The following TMTC2 variants were observed in gnomAD, a reference collection of about 807,000 sequenced individuals.
TMTC2 encodes the protein protein O-mannosyl-transferase TMTC2.
Under a neutral mutation model 82.4 loss-of-function variants are expected in TMTC2, and 43 were observed. The observed-to-expected ratio is 0.52, with a 90% confidence interval of 0.41 to 0.67. The LOEUF is 0.67. TMTC2 is among the 30% of genes least tolerant of loss of function. The pLI, the probability that TMTC2 is intolerant of heterozygous loss-of-function variation, is 0.00. For missense variants in TMTC2, 919 were observed against 1,012.4 expected, an observed-to-expected ratio of 0.91 and a Z score of 1.25; for synonymous variants, 408 against 381.9, an observed-to-expected ratio of 1.07 and a Z score of -0.80.
intron 1 of TMTC2, among the ~76,000 whole-genome samples, chr12:82,848,546 T>G (rs7304237): frequency 0.23 from 35,022 of 151,958 alleles, 8,620 homozygotes; most frequent in African/African-American, 0.62. Context: ...CATTCCATTT[T>G]CAGTGTTCTT....
chr12:82,823,962 C>T (rs1011030741), intron 1 of TMTC2, among the ~76,000 whole-genome samples: 44 of 143,592 alleles, frequency 3.1e-4, no homozygotes, highest in African/African-American at 1.1e-3. Flanking sequence ...GGTGCAATTT[C>T]GACTCTTTGC....
chr12:82,816,968 G>GTTT (rs752958581), intron 1 of TMTC2, among the ~76,000 whole-genome samples: 3 of 135,262 alleles, frequency 2.2e-5, no homozygotes, highest in Admixed American at 7.4e-5. Context: ...TTCTTTCTTT[G>GTTT]TTTTTTTTTT....
chr12:83,028,797 G>A (rs148420342), intron 8 of TMTC2, among the ~76,000 whole-genome samples: 3 of 152,046 alleles, frequency 2.0e-5, no homozygotes, highest in Admixed American at 6.6e-5. Context: ...AAACCTAATC[G>A]GTAAGATACT....
chr12:82,929,627 C>A (rs920123283), intron 3 of TMTC2, among the ~76,000 whole-genome samples: 1 of 152,112 alleles, frequency 6.6e-6, no homozygotes, highest in African/African-American at 2.4e-5. Context: ...TCATCCTCAT[C>A]ATTTGCTGGG....
At chr12:82,713,315 CA>C (rs201021071) in intron 1 of TMTC2, among the ~76,000 whole-genome samples, 15,376 of 121,860 alleles carry the variant, frequency 0.13, 894 homozygotes, top group East Asian at 0.27. Flanking sequence ...AACTCTGTTT[CA>C]AAAAAAAAAG....
rs1466837287 is a variant in TMTC2, at chr12:82,739,253, A to G, written c.83+51584A>G. Among the ~76,000 whole-genome samples the G allele has an allele frequency of 2.6e-5, 4 of 152,202 alleles. No individual in the cohort carries two copies. In the East Asian group the frequency reaches 7.7e-4, roughly 29 times the overall value. Reference sequence around the variant, plus strand: ...AATATCATACTGCCAAACATTTTAAACAGTGCCAGAAAATGTGTTGGAAAC... The same window carrying G: ...AATATCATACTGCCAAACATTTTAAGCAGTGCCAGAAAATGTGTTGGAAAC... On this transcript the variant is annotated intron_variant, in intron 1 of 11. Coordinates refer to ENST00000321196, the MANE Select transcript of TMTC2 (RefSeq NM_152588.3).
chr12:82,918,385 T>C (rs1160645572), intron 3 of TMTC2, among the ~76,000 whole-genome samples: 4 of 152,238 alleles, frequency 2.6e-5, no homozygotes, highest in Admixed American at 2.6e-4. Context: ...TAACTCAGCG[T>C]TGGTGGAAGC....
intron 7 of TMTC2, among the ~76,000 whole-genome samples, chr12:82,974,543 T>C (rs1362720261): frequency 6.6e-6 from 1 of 152,190 alleles, no homozygotes; most frequent in Non-Finnish European, 1.5e-5. Context: ...TTCTTACACA[T>C]ATTTAGAATA....
intron 2 of TMTC2, among the ~76,000 whole-genome samples, chr12:82,875,967 T>C (rs1219808319): frequency 2.0e-5 from 3 of 150,584 alleles, no homozygotes; most frequent in African/African-American, 7.3e-5. Context: ...GTATCTTTTT[T>C]CTTGACCAGA....
chr12:82,850,403 C>T (rs1001993037), intron 1 of TMTC2, among the ~76,000 whole-genome samples: 2 of 152,022 alleles, frequency 1.3e-5, no homozygotes, highest in African/African-American at 2.4e-5. Context: ...GTCAAATGGA[C>T]AGTTGGAAGT....
At chr12:82,828,282 C>T (rs983649234) in intron 1 of TMTC2, among the ~76,000 whole-genome samples, 6 of 147,004 alleles carry the variant, frequency 4.1e-5, no homozygotes, top group African/African-American at 1.3e-4. Flanking sequence ...GGCGTGATCT[C>T]GGCTCACTGC....
At chr12:82,947,563 C>T (rs1354206042) in intron 4 of TMTC2, among the ~76,000 whole-genome samples, 3 of 151,384 alleles carry the variant, frequency 2.0e-5, no homozygotes, top group Admixed American at 2.0e-4. Context: ...ATCTCCTGAC[C>T]TGGTGATCCG....
At chr12:82,986,928 A>G (rs527456827) in intron 8 of TMTC2, among the ~76,000 whole-genome samples, 16 of 152,208 alleles carry the variant, frequency 1.1e-4, no homozygotes, top group Admixed American at 2.0e-4. Flanking sequence ...AGTCTGAATC[A>G]AATATCTGTA....
intron 1 of TMTC2, among the ~76,000 whole-genome samples, chr12:82,846,708 G>A (rs1349576749): frequency 7.2e-5 from 11 of 152,050 alleles, no homozygotes; most frequent in Non-Finnish European, 1.5e-4. Context: ...GCAGTTATTC[G>A]GGGTCGCTGA....
At chr12:82,964,934 C>T in intron 4 of TMTC2, 90 bp from the exon 5 acceptor site, 9 of 753,362 alleles carry the variant, frequency 1.2e-5, no homozygotes, top group South Asian at 6.8e-5. Flanking sequence ...TGCTGTTAAC[C>T]ATTTTTATTT....
chr12:82,920,953 A>G (rs1434466637), intron 3 of TMTC2, among the ~76,000 whole-genome samples: 1 of 152,176 alleles, frequency 6.6e-6, no homozygotes, highest in Non-Finnish European at 1.5e-5. Context: ...TAACAGGAAA[A>G]TATGACATAT....
At chr12:82,802,243 G>A (rs1879044626) in intron 1 of TMTC2, among the ~76,000 whole-genome samples, 1 of 152,180 alleles carries the variant, frequency 6.6e-6, no homozygotes. Flanking sequence ...ACTGCTGGGG[G>A]CGGCAGGGCC....
chr12:82,999,158 C>T (rs1007246093), intron 8 of TMTC2, among the ~76,000 whole-genome samples: 5 of 152,106 alleles, frequency 3.3e-5, no homozygotes, highest in East Asian at 3.9e-4. Flanking sequence ...AGTCATGTCT[C>T]CTTAGGCTCC....
chr12:83,009,123 G>T (rs1249943870), intron 8 of TMTC2, among the ~76,000 whole-genome samples: 1 of 152,164 alleles, frequency 6.6e-6, no homozygotes, highest in Non-Finnish European at 1.5e-5. Flanking sequence ...TTAATTGAGA[G>T]GAGTGTCTTT....
Sources: allele counts gnomAD v4.1 joint callset (sites outside exome capture counted in the v4.1 genomes callset), GRCh38; gene constraint gnomAD v4.1.1; transcripts MANE v1.5; gene names NCBI Gene and HGNC (gene_info 2026-07-23, HGNC 2026-07-21).